The following SYN3 variants were observed in gnomAD, a reference collection of about 807,000 sequenced individuals.
SYN3 encodes the protein synapsin-3.
Under a neutral mutation model 65.8 loss-of-function variants are expected in SYN3, and 35 were observed. The observed-to-expected ratio is 0.53, with a 90% CI of 0.41 to 0.70. The LOEUF is 0.70. Ranked by LOEUF, SYN3 falls within the 30% of genes least tolerant of loss-of-function variation. SYN3 has a pLI of 0.00. For synonymous variants in SYN3, 270 were observed against 292.9 expected, an observed-to-expected ratio of 0.92 and a Z score of 0.80; for missense variants, 680 against 749.0, an observed-to-expected ratio of 0.91 and a Z score of 1.08.
intron 6 of SYN3, among the ~76,000 whole-genome samples, chr22:32,733,332 T>C (rs1400802382): frequency 6.6e-6 from 1 of 152,188 alleles, no homozygotes; most frequent in Non-Finnish European, 1.5e-5. Context: ...GCATAGATAT[T>C]TCTTGGGCCT....
intron 6 of SYN3, among the ~76,000 whole-genome samples, chr22:32,843,955 G>T (rs570104632): frequency 6.6e-6 from 1 of 152,212 alleles, no homozygotes; most frequent in East Asian, 1.9e-4. Context: ...GGTGGCGGTG[G>T]TATCTCACCT....
intron 6 of SYN3, among the ~76,000 whole-genome samples, chr22:32,766,519 G>A (rs1463073987): frequency 6.6e-6 from 1 of 152,176 alleles, no homozygotes; most frequent in Non-Finnish European, 1.5e-5. Flanking sequence ...CACAGTGAAT[G>A]AAAGCCAAGA....
At chr22:32,690,569 C>G (rs1168796382) in intron 6 of SYN3, among the ~76,000 whole-genome samples, 1 of 152,136 alleles carries the variant, frequency 6.6e-6, no homozygotes, top group Non-Finnish European at 1.5e-5. Context: ...TCCCTGTGCT[C>G]AGGAGCTCCT....
At chr22:32,631,391 G>A (rs140844092) in intron 6 of SYN3, among the ~76,000 whole-genome samples, 2 of 151,516 alleles carry the variant, frequency 1.3e-5, no homozygotes, top group African/African-American at 4.8e-5. Context: ...ATTTTCAAAC[G>A]CTTGTCTCTT....
At chr22:32,789,146 C>T (rs1448200208) in intron 6 of SYN3, among the ~76,000 whole-genome samples, 1 of 152,242 alleles carries the variant, frequency 6.6e-6, no homozygotes, top group Non-Finnish European at 1.5e-5. Flanking sequence ...TTGCATAAGC[C>T]AGCAACCAGT....
intron 6 of SYN3, among the ~76,000 whole-genome samples, chr22:32,786,795 A>C (rs749821097): frequency 6.6e-6 from 1 of 152,184 alleles, no homozygotes; most frequent in Non-Finnish European, 1.5e-5. Flanking sequence ...AATTATGTCA[A>C]AATAAAACAT....
At chr22:32,882,053 CA>C (rs137505) in intron 4 of SYN3, among the ~76,000 whole-genome samples, 114,414 of 136,430 alleles carry the variant, frequency 0.84, 47,707 homozygotes, top group Middle Eastern at 0.89. Context: ...GACTCTGTCT[CA>C]AAAAAAAAAA....
intron 6 of SYN3, among the ~76,000 whole-genome samples, chr22:32,638,880 C>T (rs1042611682): frequency 2.6e-5 from 4 of 152,144 alleles, no homozygotes; most frequent in African/African-American, 7.2e-5. Flanking sequence ...TACTCATAAA[C>T]TCTTTCCCAA....
chr22:32,592,371 C>A (rs753861972), intron 7 of SYN3, among the ~76,000 whole-genome samples: 1 of 152,246 alleles, frequency 6.6e-6, no homozygotes, highest in Non-Finnish European at 1.5e-5. Context: ...ACCTGACTGA[C>A]TTCTAACGAA....
intron 3 of SYN3, among the ~76,000 whole-genome samples, chr22:32,974,336 G>A (rs1305132177): frequency 6.6e-6 from 1 of 152,140 alleles, no homozygotes; most frequent in Non-Finnish European, 1.5e-5. Context: ...GAAAGATGGA[G>A]GTGATAACAG....
intron 6 of SYN3, among the ~76,000 whole-genome samples, chr22:32,774,728 G>A (rs1394992816): frequency 6.6e-6 from 1 of 152,112 alleles, no homozygotes; most frequent in East Asian, 1.9e-4. Flanking sequence ...CCGAGTAGCT[G>A]GGATTACAGG....
chr22:32,631,112 T>C (rs1218122850), intron 6 of SYN3, among the ~76,000 whole-genome samples: 1 of 152,030 alleles, frequency 6.6e-6, no homozygotes, highest in Non-Finnish European at 1.5e-5. Context: ...TTGGACAACA[T>C]GGAGAAACCC....
intron 6 of SYN3, among the ~76,000 whole-genome samples, chr22:32,622,701 C>T (rs1401846604): frequency 4.6e-5 from 6 of 131,610 alleles, no homozygotes; most frequent in South Asian, 2.5e-4. Flanking sequence ...TGCAAAGGGG[C>T]TGTGGATCTC....
intron 6 of SYN3, among the ~76,000 whole-genome samples, chr22:32,757,874 A>G (rs1014316091): frequency 2.6e-5 from 4 of 152,182 alleles, no homozygotes; most frequent in Non-Finnish European, 4.4e-5. Context: ...CACCAGGAAA[A>G]AAACCACGAC....
At chr22:32,548,041 C>T (rs2710376) in intron 7 of SYN3, among the ~76,000 whole-genome samples, 44,089 of 152,058 alleles carry the variant, frequency 0.29, 6,766 homozygotes, top group Middle Eastern at 0.38. Flanking sequence ...ATTCCTAATA[C>T]GAGCTGCTTC....
At chr22:32,765,179 T>C (rs1665793080) in intron 6 of SYN3, among the ~76,000 whole-genome samples, 1 of 151,936 alleles carries the variant, frequency 6.6e-6, no homozygotes, top group Admixed American at 6.6e-5. Context: ...GTGGTGAGGG[T>C]CACTCAGAAC....
chr22:32,990,407 GCCATCCATCCAT>G (rs133923), intron 2 of SYN3, among the ~76,000 whole-genome samples: 24,173 of 144,604 alleles, frequency 0.17, 2,275 homozygotes, highest in East Asian at 0.43. Context: ...CATCCATCCA[GCCATCCATCCAT>G]CCATCCATCC....
Position 32,720,361 on chromosome 22 carries a change from G to T in SYN3, c.712-123625C>A, listed in dbSNP as rs142417278. 1.5e-3 allele frequency among the ~76,000 whole-genome samples: 229 copies of T among 152,282 alleles called. 1 individual carries two copies. Among genetic ancestry groups the T allele is most frequent in the African/African-American group, 5.3e-3 (220 of 41,568 alleles). On this transcript the variant is annotated intron_variant, in intron 6 of 13. Coordinates refer to ENST00000358763, the MANE Select transcript of SYN3 (RefSeq NM_003490.4). ...GCAGTTTATGTGTCTCTTCTCATTT[G>T]ACCCTCATTACATGCCATGAGGTTG...
At chr22:32,787,034 C>CT (rs1420104648) in intron 6 of SYN3, among the ~76,000 whole-genome samples, 2 of 143,956 alleles carry the variant, frequency 1.4e-5, no homozygotes, top group Admixed American at 1.5e-4. Flanking sequence ...GTGCCAACTT[C>CT]TTTTTTTTCC....
Sources: allele counts gnomAD v4.1 joint callset (sites outside exome capture counted in the v4.1 genomes callset), GRCh38; gene constraint gnomAD v4.1.1; transcripts MANE v1.5; gene names NCBI Gene and HGNC (gene_info 2026-07-23, HGNC 2026-07-21).